The following PDLIM5 variants were observed in gnomAD, a reference collection of about 807,000 sequenced individuals.
The protein encoded by PDLIM5 is PDZ and LIM domain protein 5.
Under a neutral mutation model 64.2 loss-of-function variants are expected in PDLIM5, and 34 were observed. The ratio of observed to expected loss-of-function variants is 0.53; its 90% CI spans 0.40 to 0.71. PDLIM5 has a LOEUF of 0.71. PDLIM5 is among the 30% of genes least tolerant of loss of function. PDLIM5 has a pLI of 0.00. For missense variants in PDLIM5, 683 were observed against 733.6 expected (o/e 0.93, Z 0.80); for synonymous variants, 253 against 269.1 (o/e 0.94, Z 0.59).
intron 3 of PDLIM5, among the ~76,000 whole-genome samples, chr4:94,525,173 C>A (rs1326772570): frequency 6.6e-6 from 1 of 152,174 alleles, no homozygotes; most frequent in Non-Finnish European, 1.5e-5. Context: ...AATCCCAGTA[C>A]TTTGGGAGGC....
chr4:94,483,824 A>G (rs895072068), intron 2 of PDLIM5, among the ~76,000 whole-genome samples: 1 of 152,170 alleles, frequency 6.6e-6, no homozygotes, highest in Non-Finnish European at 1.5e-5. Context: ...TAATCTTCAC[A>G]TTTATGGAAT....
chr4:94,453,769 T>C (rs1723070992), intron 1 of PDLIM5, among the ~76,000 whole-genome samples: 1 of 152,192 alleles, frequency 6.6e-6, no homozygotes, highest in African/African-American at 2.4e-5. Flanking sequence ...TTCCCACTAG[T>C]AGTTTTTCAC....
chr4:94,530,019 G>A (rs1730717739), intron 3 of PDLIM5, among the ~76,000 whole-genome samples: 1 of 152,098 alleles, frequency 6.6e-6, no homozygotes, highest in African/African-American at 2.4e-5. Context: ...AACTGTATTA[G>A]AACTGGTTTC....
At chr4:94,557,967 G>A (rs1733499368) in intron 3 of PDLIM5, among the ~76,000 whole-genome samples, 1 of 152,168 alleles carries the variant, frequency 6.6e-6, no homozygotes, top group Non-Finnish European at 1.5e-5. Flanking sequence ...GTGAAAGGGG[G>A]CATCCCTGTC....
At chr4:94,628,472 C>T (rs1739875797) in intron 8 of PDLIM5, among the ~76,000 whole-genome samples, 1 of 151,798 alleles carries the variant, frequency 6.6e-6, no homozygotes, top group Non-Finnish European at 1.5e-5. Context: ...AACTTGTATT[C>T]ATCATTAGAG....
intron 7 of PDLIM5, 73 bp downstream of exon 7, chr4:94,586,517 T>C (rs908611688): frequency 6.8e-6 from 6 of 883,224 alleles, no homozygotes; most frequent in African/African-American, 1.7e-5. Flanking sequence ...TTTCAAATTG[T>C]CAAGTATAAT....
At chr4:94,626,902 T>G (rs935646270) in intron 8 of PDLIM5, among the ~76,000 whole-genome samples, 1 of 152,176 alleles carries the variant, frequency 6.6e-6, no homozygotes, top group Admixed American at 6.5e-5. Flanking sequence ...CTATCTTTTA[T>G]TTGAAGTCTA....
At chr4:94,544,742 G>A (rs993838098) in intron 3 of PDLIM5, among the ~76,000 whole-genome samples, 1 of 152,134 alleles carries the variant, frequency 6.6e-6, no homozygotes, top group East Asian at 1.9e-4. Context: ...TACAACCTCC[G>A]CCTCTCAGGC....
At chr4:94,514,244 CCT>C (rs1729163849) in intron 2 of PDLIM5, among the ~76,000 whole-genome samples, 1 of 150,926 alleles carries the variant, frequency 6.6e-6, no homozygotes, top group Admixed American at 6.6e-5. Context: ...ATGCCATTCT[CCT>C]CTCTCAGCCT....
Position 94,457,163 on chromosome 4 carries a change from T to G in PDLIM5, c.96+1779T>G, listed in dbSNP as rs550852778. ...TAAGTTTGTAACGCCTAAATATCCT[T>G]ATTAAAATACTGCAAATCCCATTTT... On this transcript the variant is annotated intron_variant, in intron 2 of 12. Transcript: ENST00000317968. 6.1e-5 allele frequency: 59 copies of G among 972,126 alleles called. No homozygotes were observed. The African/African-American group carries it at 1.0e-3, about 17-fold the overall frequency. The allele number at this position is 972,126 out of a possible 1,614,324, so 60.2% of individuals were successfully genotyped here.
intron 2 of PDLIM5, among the ~76,000 whole-genome samples, chr4:94,478,447 G>A (rs745930536): frequency 1.1e-4 from 17 of 151,882 alleles, no homozygotes; most frequent in East Asian, 3.9e-4. Context: ...CAATCCCCGC[G>A]TTGTTCAAGA....
chr4:94,495,021 A>G (rs1235368731), intron 2 of PDLIM5, among the ~76,000 whole-genome samples: 1 of 150,894 alleles, frequency 6.6e-6, no homozygotes, highest in East Asian at 2.0e-4. Flanking sequence ...TTAGGATTAC[A>G]GGCGTGAGCC....
At chr4:94,525,516 A>G (rs567377150) in intron 3 of PDLIM5, among the ~76,000 whole-genome samples, 8 of 152,238 alleles carry the variant, frequency 5.3e-5, no homozygotes, top group African/African-American at 1.9e-4. Context: ...AGCCTCTCCT[A>G]GGAGTCGTGT....
chr4:94,452,564 A>G (rs1722954817), intron 1 of PDLIM5, among the ~76,000 whole-genome samples: 1 of 152,270 alleles, frequency 6.6e-6, no homozygotes. Context: ...GCGTCCAGAA[A>G]TAAAGCTCGT....
At chr4:94,516,276 T>A (rs575304004) in intron 2 of PDLIM5, among the ~76,000 whole-genome samples, 1 of 152,210 alleles carries the variant, frequency 6.6e-6, no homozygotes, top group African/African-American at 2.4e-5. Context: ...GACACGTACT[T>A]TGAGGTATTC....
rs1388119825 is a variant in PDLIM5 at position 94,523,841 on chromosome 4, G to A, written c.214G>A (p.Gly72Ser). 1 of 1,613,436 alleles carries A rather than the reference G, an allele frequency of 6.2e-7. No individual in the cohort carries two copies. Among genetic ancestry groups the A allele is most frequent in the Non-Finnish European group, 8.5e-7 (1 of 1,179,478 alleles). Residue 72 changes from glycine (G) to serine (S), a missense_variant, in exon 3 of 13, where the codon GGT becomes AGT. Physicochemically the swap from Gly to Ser is moderately conservative, Grantham distance 56. Coordinates refer to ENST00000317968, the MANE Select transcript of PDLIM5 (RefSeq NM_006457.5). ...THLEAQNKIK[G>S]CTGSLNMTLQ... ...TCTTGAAGCCCAGAATAAGATTAAG[G>A]GTTGTACAGGCTCTTTGAATATGAC...
intron 7 of PDLIM5, chr4:94,608,116 T>G: frequency 6.5e-7 from 1 of 1,531,582 alleles, no homozygotes; most frequent in Non-Finnish European, 8.7e-7. Context: ...CTGCAACTCC[T>G]CAGGTGTTAA....
chr4:94,498,675 A>T (rs565450204), intron 2 of PDLIM5, among the ~76,000 whole-genome samples: 82 of 152,364 alleles, frequency 5.4e-4, no homozygotes, highest in African/African-American at 1.8e-3. Flanking sequence ...TACAGAATGA[A>T]TGAATGCATG....
intron 3 of PDLIM5, among the ~76,000 whole-genome samples, chr4:94,555,897 TTTTA>T (rs1733257894): frequency 1.3e-5 from 2 of 151,026 alleles, no homozygotes; most frequent in Admixed American, 1.3e-4. Flanking sequence ...TTATTTTTAT[TTTTA>T]TTTATATATA....
Sources: allele counts gnomAD v4.1 joint callset (sites outside exome capture counted in the v4.1 genomes callset), GRCh38; gene constraint gnomAD v4.1.1; transcripts MANE v1.5; gene names NCBI Gene and HGNC (gene_info 2026-07-23, HGNC 2026-07-21).